The following DTWD1 variants were observed in gnomAD, a reference collection of about 807,000 sequenced individuals.
The protein encoded by DTWD1 is DTW motif tRNA-uridine aminocarboxypropyltransferase 1, also known as tRNA-uridine aminocarboxypropyltransferase 1.
A neutral mutation model predicts 30.2 loss-of-function variants in DTWD1; 27 were observed. The observed-to-expected ratio is 0.90, with a 90% CI of 0.66 to 1.23. The LOEUF is 1.23. DTWD1 is among the 50% of genes most tolerant of loss of function. The pLI is 0.00. For synonymous variants in DTWD1, 99 were observed against 113.1 expected (o/e 0.88, Z 0.79); for missense variants, 342 against 348.8 (o/e 0.98, Z 0.15).
At chr15:49,635,615 C>T (rs1238341505) in intron 4 of DTWD1, among the ~76,000 whole-genome samples, 1 of 151,950 alleles carries the variant, frequency 6.6e-6, no homozygotes, top group Non-Finnish European at 1.5e-5. Flanking sequence ...GCCTCAGCCT[C>T]GCTAGTAGCT....
At chr15:49,624,531 A>T (rs750767016) in intron 1 of DTWD1, among the ~76,000 whole-genome samples, 2 of 152,200 alleles carry the variant, frequency 1.3e-5, no homozygotes, top group African/African-American at 2.4e-5. Flanking sequence ...GTTACTCTGT[A>T]AATTTTTAAA....
intron 4 of DTWD1, among the ~76,000 whole-genome samples, chr15:49,635,367 T>C (rs1397301818): frequency 6.6e-6 from 1 of 152,082 alleles, no homozygotes; most frequent in Non-Finnish European, 1.5e-5. Flanking sequence ...AAGAATATTC[T>C]CCTATATTAA....
Position 49,625,166 on chromosome 15 carries a change from G to T in DTWD1, c.-2G>T. ...GCCGTTAAACTTTGGTTTGAATGAA[G>T]AATGTCTCTCAATCCACCTATATTT... On this transcript the variant is annotated 5_prime_UTR_variant, in exon 2 of 5. Transcript: ENST00000403028. 6.2e-7 allele frequency: 1 copy of T among 1,611,638 alleles called. No homozygotes were observed. Among genetic ancestry groups the T allele is most frequent in the South Asian group, 1.1e-5 (1 of 90,906 alleles).
rs1489716139 is a variant in DTWD1 at position 49,644,874 on chromosome 15, G to T, written c.*1296G>T. The stretch of plus-strand genomic sequence containing the variant: ...TGCTCATACATTTGTAAATACTGTA[G>T]TTGTTTTATTACACTCTTCTCAAAT... On this transcript the variant is annotated 3_prime_UTR_variant, in exon 5 of 5. Coordinates refer to ENST00000403028, the MANE Select transcript of DTWD1 (RefSeq NM_001144955.2). The T allele has an allele frequency of 6.6e-6, 1 of 152,128 alleles. No homozygotes were observed. The allele number at this position is 152,128 out of a possible 1,614,324, so 9.4% of individuals were successfully genotyped here. A position where few individuals can be genotyped will look rare whatever the true frequency, so the allele number is the denominator to read the frequency against.
In DTWD1 at chr15:49,645,897, G is replaced by C. The variant is rs1393465344; in HGVS notation, c.*2319G>C. On this transcript the variant is annotated 3_prime_UTR_variant, in exon 5 of 5. Transcript: ENST00000403028. Reference sequence around the variant, plus strand: ...TTTGTTTTTTGTTTTTTGTTTTTTTGGTGTGATAGATGTAACAGTGGCCCT... The same window carrying C: ...TTTGTTTTTTGTTTTTTGTTTTTTTCGTGTGATAGATGTAACAGTGGCCCT... 2 of 151,122 alleles carry C rather than the reference G, an allele frequency of 1.3e-5. No homozygotes were observed. Among genetic ancestry groups the C allele is most frequent in the African/African-American group, 4.9e-5 (2 of 41,158 alleles). 9.4% of individuals were successfully genotyped at this position (151,122 alleles called of 1,614,324 possible). A position where few individuals can be genotyped will look rare whatever the true frequency, so the allele number is the denominator to read the frequency against.
At chr15:49,632,448 T>G (rs2078935436) in intron 3 of DTWD1, 146 bp downstream of exon 3, 1 of 748,936 alleles carries the variant, frequency 1.3e-6, no homozygotes, top group East Asian at 3.2e-5. Context: ...ATATACAGTT[T>G]ATTTCATTGA....
In DTWD1 at chr15:49,625,380, A is replaced by T. The variant is rs1255179074; in HGVS notation, c.213A>T (p.Thr71=). ...CGGSRMFYCY[T]CYVPVENVPI... The stretch of plus-strand genomic sequence containing the variant: ...GTTCCAGAATGTTCTACTGCTATAC[A>T]TGTTATGTTCCAGTTGAAAATGTAC... The change falls in exon 2 of 5, where the codon ACA becomes ACT. Residue 71 remains threonine, a synonymous_variant. Coordinates refer to ENST00000403028, the MANE Select transcript of DTWD1 (RefSeq NM_001144955.2). The T allele has an allele frequency of 3.1e-6, 5 of 1,613,806 alleles. No homozygotes were observed. In the East Asian group the frequency reaches 1.1e-4, roughly 36 times the overall value.
In DTWD1 at chr15:49,632,126, A is replaced by G. The variant is rs1267134769; in HGVS notation, c.265-33A>G. On this transcript the variant is annotated intron_variant, in intron 2 of 4. Transcript: ENST00000403028. ...TTAACATAAAAATTAAAATGTTTAT[A>G]TATTTTTTTATTTGTGCTTTTTTTA... 8 of 1,497,806 alleles carry G rather than the reference A, an allele frequency of 5.3e-6. No homozygotes were observed. In the Admixed American group the frequency reaches 1.2e-4, roughly 22 times the overall value. The allele number at this position is 1,497,806 out of a possible 1,614,324, so 92.8% of individuals were successfully genotyped here.
rs146300982 is a variant in DTWD1, at chr15:49,655,860, T to C, written c.*12282T>C. ...AGAGTATTCTAGGTATGCACTAAGT[T>C]TATGGGAAGATATGCCATCTACATA... On this transcript the variant is annotated 3_prime_UTR_variant, in exon 5 of 5. Transcript: ENST00000403028. 6.6e-6 allele frequency: 1 copy of C among 152,150 alleles called. No individual in the cohort carries two copies. Among genetic ancestry groups the C allele is most frequent in the East Asian group, 1.9e-4 (1 of 5,154 alleles). 9.4% of individuals were successfully genotyped at this position (152,150 alleles called of 1,614,324 possible). A position where few individuals can be genotyped will look rare whatever the true frequency, so the allele number is the denominator to read the frequency against.
intron 4 of DTWD1, among the ~76,000 whole-genome samples, chr15:49,637,136 C>T (rs933297608): frequency 4.6e-5 from 7 of 151,972 alleles, no homozygotes; most frequent in African/African-American, 2.4e-5. Context: ...CCTTTTTCTC[C>T]TGTTCTTTAT....
rs1467211543 is a variant in DTWD1, at chr15:49,643,522, T to TTGATAAAGAATGCCAAATGC, written c.861_880dup (p.Ser294Ter). The TTGATAAAGAATGCCAAATGC allele has an allele frequency of 3.7e-6, 6 of 1,607,220 alleles. No homozygotes were observed. In the South Asian group the frequency reaches 6.7e-5, roughly 18 times the overall value. On this transcript the variant is annotated frameshift_variant, in exon 5 of 5. Coordinates refer to ENST00000403028, the MANE Select transcript of DTWD1 (RefSeq NM_001144955.2). LOFTEE classifies it high-confidence loss of function. ...ATTTTTCTATTCTTTTATGTACCAG[T>TTGATAAAGAATGCCAAATGC]TGATAAAGAATGCCAAATGCTCTGG...
chr15:49,625,198 C>T lies in DTWD1; in HGVS notation c.31C>T (p.Arg11Ter), dbSNP rs764859833. The T allele has an allele frequency of 8.7e-6, 14 of 1,613,034 alleles. No individual in the cohort carries two copies. Among genetic ancestry groups the T allele is most frequent in the Middle Eastern group, 3.3e-4 (2 of 6,074 alleles). ...TCTCAATCCACCTATATTTCTCAAA[C>T]GAAGTGAAGAAAATAGTTCAAAATT... MSLNPPIFLK[R>*]SEENSSKFVE... Residue 11 changes from arginine to a stop codon, truncating the protein, a stop_gained, in exon 2 of 5, where the codon CGA (arginine) becomes TGA (stop). Coordinates refer to ENST00000403028, the MANE Select transcript of DTWD1 (RefSeq NM_001144955.2). LOFTEE classifies it high-confidence loss of function.
At chr15:49,642,776 T>C (rs776866668) in intron 4 of DTWD1, among the ~76,000 whole-genome samples, 5 of 151,828 alleles carry the variant, frequency 3.3e-5, no homozygotes, top group Non-Finnish European at 5.9e-5. Context: ...AAATAAAAAA[T>C]CTTAGCTGGA....
At chr15:49,641,379 T>C (rs571848010) in intron 4 of DTWD1, among the ~76,000 whole-genome samples, 16 of 152,190 alleles carry the variant, frequency 1.1e-4, no homozygotes, top group African/African-American at 3.4e-4. Flanking sequence ...TAACCTCTCC[T>C]TTTTTACATT....
intron 2 of DTWD1, 158 bp from the exon 3 acceptor site, chr15:49,632,001 A>G (rs981642398): frequency 3.8e-6 from 3 of 790,090 alleles, no homozygotes; most frequent in Middle Eastern, 3.6e-4. Flanking sequence ...TGGTTTTGTA[A>G]CAATCACCAT....
chr15:49,624,066 AAG>A (rs1701791587), intron 1 of DTWD1, among the ~76,000 whole-genome samples: 2 of 152,104 alleles, frequency 1.3e-5, no homozygotes, highest in African/African-American at 4.8e-5. Context: ...AAAAAAGAAA[AAG>A]AAAAATTCAT....
rs192415104 is a variant in DTWD1, at chr15:49,643,287, A to G, written c.668-44A>G. 6.3e-4 allele frequency: 899 copies of G among 1,420,982 alleles called. 8 individuals are homozygous for G. The African/African-American group carries it at 0.013, about 21-fold the overall frequency. 88.0% of individuals were successfully genotyped at this position (1,420,982 alleles called of 1,614,324 possible). ...CCTGTGGTTAAGAAGAAATATTTAT[A>G]TTTTTTCTTTCTTTCTTTCTTTTTT... On this transcript the variant is annotated intron_variant, in intron 4 of 4. Coordinates refer to ENST00000403028, the MANE Select transcript of DTWD1 (RefSeq NM_001144955.2).
In DTWD1 at chr15:49,647,923, T is replaced by C. The variant is rs1337439639; in HGVS notation, c.*4345T>C. On this transcript the variant is annotated 3_prime_UTR_variant, in exon 5 of 5. Transcript: ENST00000403028. ...GAAATTTAAAAAGTGATTGCTGAAA[T>C]AAAAATTAAATATAAGAGTTGAAGA... 1.3e-5 allele frequency: 2 copies of C among 151,936 alleles called. No individual in the cohort carries two copies. Among genetic ancestry groups the C allele is most frequent in the Non-Finnish European group, 2.9e-5 (2 of 67,954 alleles). The allele number at this position is 151,936 out of a possible 1,614,324, so 9.4% of individuals were successfully genotyped here. A position where few individuals can be genotyped will look rare whatever the true frequency, so the allele number is the denominator to read the frequency against.
At chr15:49,636,818 T>G (rs1010983201) in intron 4 of DTWD1, among the ~76,000 whole-genome samples, 3 of 152,194 alleles carry the variant, frequency 2.0e-5, no homozygotes, top group African/African-American at 7.2e-5. Context: ...TGCATCAAAT[T>G]AGGAGGCACA....
Sources: gnomAD v4.1 joint callset for allele counts (sites outside exome capture counted in the v4.1 genomes callset) on GRCh38, gnomAD v4.1.1 for gene constraint, MANE v1.5 for transcripts, NCBI Gene and HGNC (gene_info 2026-07-23, HGNC 2026-07-21) for gene names.